SFXN5: variants seen among roughly 807,000 people sequenced by gnomAD.
SFXN5 encodes sideroflexin-5.
In SFXN5, 43 loss-of-function variants were observed where a neutral mutation model predicts 50.2. The observed-to-expected ratio is 0.86, with a 90% confidence interval of 0.67 to 1.11. SFXN5 has a LOEUF of 1.11. SFXN5 is among the 50% of genes least tolerant of loss of function. The pLI, the probability that SFXN5 is intolerant of heterozygous loss-of-function variation, is 0.00. For synonymous variants in SFXN5, 203 were observed against 185.8 expected (o/e 1.09, Z -0.75); for missense variants, 463 against 454.1 (o/e 1.02, Z -0.18).
intron 6 of SFXN5, among the ~76,000 whole-genome samples, chr2:73,013,429 G>C (rs2105783313): frequency 6.6e-6 from 1 of 151,900 alleles, no homozygotes; most frequent in East Asian, 1.9e-4. Flanking sequence ...GTGTGTGTGT[G>C]TGTGTGTGTG....
chr2:73,065,134 C>T (rs1359005909), intron 1 of SFXN5, among the ~76,000 whole-genome samples: 3 of 152,098 alleles, frequency 2.0e-5, no homozygotes, highest in Non-Finnish European at 2.9e-5. Flanking sequence ...CAGGGTCTCA[C>T]TCTGTTGCCC....
chr2:73,008,714 G>A (rs1250832747), intron 6 of SFXN5, among the ~76,000 whole-genome samples: 1 of 152,216 alleles, frequency 6.6e-6, no homozygotes, highest in Non-Finnish European at 1.5e-5. Context: ...ACGAACCGCA[G>A]AGCCTCAGGG....
chr2:72,959,593 C>A (rs1183415412), intron 13 of SFXN5, among the ~76,000 whole-genome samples: 1 of 152,104 alleles, frequency 6.6e-6, no homozygotes. Flanking sequence ...AATTTTCCTA[C>A]CCCTGAACCC....
At chr2:72,988,023 T>C (rs1359356468) in intron 10 of SFXN5, among the ~76,000 whole-genome samples, 3 of 152,258 alleles carry the variant, frequency 2.0e-5, no homozygotes, top group African/African-American at 7.2e-5. Context: ...ACTGACCCCT[T>C]GGGGGTCTGG....
chr2:72,984,847 CGT>C (rs1671708774), intron 10 of SFXN5, among the ~76,000 whole-genome samples: 1 of 152,076 alleles, frequency 6.6e-6, no homozygotes, highest in Non-Finnish European at 1.5e-5. Context: ...GGTCCAGGTG[CGT>C]GTGTCTCAGG....
intron 6 of SFXN5, among the ~76,000 whole-genome samples, chr2:73,009,389 C>T (rs969481163): frequency 1.5e-4 from 23 of 152,308 alleles, no homozygotes; most frequent in South Asian, 1.0e-3. Flanking sequence ...GGAGTGGTGA[C>T]GGACCATGTT....
chr2:72,988,211 C>T, intron 10 of SFXN5, 47 bp downstream of exon 10: 1 of 1,551,774 alleles, frequency 6.4e-7, no homozygotes, highest in South Asian at 1.1e-5. Context: ...CCCAGCGGTC[C>T]CCCACACCCA....
intron 6 of SFXN5, 89 bp from the exon 7 acceptor site, chr2:73,001,667 A>G: frequency 7.9e-7 from 1 of 1,269,762 alleles, no homozygotes; most frequent in Non-Finnish European, 1.1e-6. Flanking sequence ...CAAATGAGTG[A>G]GCTGGATCTG....
At chr2:73,004,726 G>A (rs972569628) in intron 6 of SFXN5, among the ~76,000 whole-genome samples, 1 of 152,204 alleles carries the variant, frequency 6.6e-6, no homozygotes, top group Non-Finnish European at 1.5e-5. Context: ...GTGAGGCTGA[G>A]GCAGGGAAGC....
At chr2:73,059,106 C>T (rs1324698820) in intron 1 of SFXN5, 5 of 990,108 alleles carry the variant, frequency 5.0e-6, no homozygotes, top group Non-Finnish European at 6.0e-6. Flanking sequence ...TCCTCAGGCC[C>T]TCCTTCACCC....
chr2:72,971,193 C>T (rs79226105), intron 11 of SFXN5, among the ~76,000 whole-genome samples: 3,818 of 152,250 alleles, frequency 0.025, 173 homozygotes, highest in African/African-American at 0.086. Context: ...CAGGCTTCCT[C>T]GGCTTACCCA....
chr2:73,000,318 G>T, intron 8 of SFXN5, 113 bp downstream of exon 8: 1 of 979,420 alleles, frequency 1.0e-6, no homozygotes, highest in Non-Finnish European at 1.5e-6. Flanking sequence ...TCTAGAGGAG[G>T]GCCATGCTTA....
chr2:73,053,913 A>G lies in SFXN5; in HGVS notation c.171+4615T>C, dbSNP rs146107797. Among the ~76,000 whole-genome samples, 89 of 152,318 alleles carry G rather than the reference A, an allele frequency of 5.8e-4. 2 individuals carry two copies. The East Asian group carries it at 0.014, about 23-fold the overall frequency. On this transcript the variant is annotated intron_variant, in intron 2 of 13. Coordinates refer to ENST00000272433, the MANE Select transcript of SFXN5 (RefSeq NM_144579.3). ...CAGCCAAGGGCCCTGGGAGGAAAAC[A>G]GTATTTATGAGCCATGGTCTGTGGA...
At chr2:73,050,388 G>GCGCGCGCGCACACACACA in intron 2 of SFXN5, among the ~76,000 whole-genome samples, 25 of 143,910 alleles carry the variant, frequency 1.7e-4, no homozygotes, top group East Asian at 1.1e-3. Flanking sequence ...CAGCCACAGC[G>GCGCGCGCGCACACACACA]CACGCACACA....
At chr2:73,021,762 G>A (rs940283345) in intron 5 of SFXN5, among the ~76,000 whole-genome samples, 11 of 152,186 alleles carry the variant, frequency 7.2e-5, no homozygotes, top group African/African-American at 2.2e-4. Flanking sequence ...AGGTGGCTGT[G>A]CCCCATTGCA....
rs908653517 is a variant in SFXN5, at chr2:72,961,549, C to T, written c.828-301G>A. Among the ~76,000 whole-genome samples the T allele has an allele frequency of 3.3e-5, 5 of 152,212 alleles. No individual in the cohort carries two copies. Among genetic ancestry groups the T allele is most frequent in the Non-Finnish European group, 5.9e-5 (4 of 68,036 alleles). On this transcript the variant is annotated intron_variant, in intron 12 of 13. Transcript: ENST00000272433. This position sits in a 1 kb window ranked among gnomAD's most constrained non-coding sequence, Gnocchi z 4.4. Reference sequence around the variant, plus strand: ...GGCACCCACCCGCCACGCGTCCAGCCCCGTGCCAAGAAGGCCCTATGTGGG... The same window carrying T: ...GGCACCCACCCGCCACGCGTCCAGCTCCGTGCCAAGAAGGCCCTATGTGGG...
At chr2:73,071,135 A>G (rs930059148) in intron 1 of SFXN5, 2 of 155,962 alleles carry the variant, frequency 1.3e-5, no homozygotes, top group Non-Finnish European at 2.9e-5. Context: ...GCCCGGCGGC[A>G]CCGCCAGCAG....
chr2:73,010,749 C>G (rs1422670286), intron 6 of SFXN5, among the ~76,000 whole-genome samples: 1 of 151,948 alleles, frequency 6.6e-6, no homozygotes, highest in East Asian at 1.9e-4. Context: ...TTTTTAAAAC[C>G]CAACCACTTA....
intron 8 of SFXN5, among the ~76,000 whole-genome samples, chr2:72,999,235 A>G (rs1673615190): frequency 6.6e-6 from 1 of 152,154 alleles, no homozygotes; most frequent in African/African-American, 2.4e-5. Context: ...TGAAGGGCCC[A>G]CTTCACTCCT....
Sources: gnomAD v4.1 joint callset for allele counts (sites outside exome capture counted in the v4.1 genomes callset) on GRCh38, gnomAD v4.1.1 for gene constraint, Gnocchi (gnomAD v3.1) non-coding constraint, MANE v1.5 for transcripts, NCBI Gene and HGNC (gene_info 2026-07-23, HGNC 2026-07-21) for gene names.